PPP3CA: variants seen among roughly 807,000 people sequenced by gnomAD.
PPP3CA encodes the protein protein phosphatase 3 catalytic subunit alpha.
Under a neutral mutation model 66.5 loss-of-function variants are expected in PPP3CA, and 14 were observed. The observed-to-expected ratio is 0.21, with a 90% CI of 0.14 to 0.33. The LOEUF (loss-of-function observed/expected upper bound fraction) is 0.33. Ranked by LOEUF, PPP3CA falls within the 10% of genes least tolerant of loss-of-function variation. The probability of loss-of-function intolerance (pLI) is 1.00; values close to 1 mark genes in which losing one functional copy is unlikely to be tolerated. For synonymous variants in PPP3CA, 232 were observed against 226.2 expected (o/e 1.03, Z -0.23); for missense variants, 317 against 639.5 (o/e 0.50, Z 5.44).
intron 1 of PPP3CA, among the ~76,000 whole-genome samples, chr4:101,254,764 C>T (rs1726785761): frequency 6.6e-6 from 1 of 151,570 alleles, no homozygotes; most frequent in African/African-American, 2.4e-5. Context: ...TGTGTCTTGC[C>T]CTTTGAAAAA....
chr4:101,044,720 C>T (rs1288354004), intron 10 of PPP3CA, among the ~76,000 whole-genome samples: 1 of 152,098 alleles, frequency 6.6e-6, no homozygotes, highest in Non-Finnish European at 1.5e-5. Context: ...CTAAGCAACC[C>T]TGAAAACTCA....
intron 3 of PPP3CA, among the ~76,000 whole-genome samples, chr4:101,107,805 CTA>C (rs1424154012): frequency 1.3e-5 from 2 of 152,124 alleles, no homozygotes; most frequent in Non-Finnish European, 2.9e-5. Context: ...GAATGTTTTT[CTA>C]TGATTATTAT....
At chr4:101,159,859 C>A (rs537347062) in intron 2 of PPP3CA, among the ~76,000 whole-genome samples, 2 of 151,994 alleles carry the variant, frequency 1.3e-5, no homozygotes, top group Non-Finnish European at 2.9e-5. Flanking sequence ...GCTTCAGATA[C>A]CTGAAATACA....
chr4:101,318,959 C>T (rs1728960036), intron 1 of PPP3CA, among the ~76,000 whole-genome samples: 1 of 151,980 alleles, frequency 6.6e-6, no homozygotes, highest in South Asian at 2.1e-4. Flanking sequence ...TTCTTAAATT[C>T]TTCTACACAG....
chr4:101,325,382 C>A (rs1729177454), intron 1 of PPP3CA, among the ~76,000 whole-genome samples: 1 of 152,164 alleles, frequency 6.6e-6, no homozygotes, highest in African/African-American at 2.4e-5. Flanking sequence ...TAGCACTGTT[C>A]TATACATTCC....
chr4:101,341,519 C>T (rs1729817120), intron 1 of PPP3CA, among the ~76,000 whole-genome samples: 1 of 152,154 alleles, frequency 6.6e-6, no homozygotes, highest in Non-Finnish European at 1.5e-5. Context: ...CCAGAAAATA[C>T]ATAACACGTG....
At chr4:101,078,868 A>G (rs935463349) in intron 8 of PPP3CA, among the ~76,000 whole-genome samples, 13 of 152,328 alleles carry the variant, frequency 8.5e-5, no homozygotes, top group South Asian at 2.1e-4. Flanking sequence ...GCACGTGGCA[A>G]GCAGAGAACA....
At chr4:101,180,450 A>G (rs1724199242) in intron 2 of PPP3CA, among the ~76,000 whole-genome samples, 1 of 152,196 alleles carries the variant, frequency 6.6e-6, no homozygotes, top group South Asian at 2.1e-4. Flanking sequence ...CATTTTTAAA[A>G]GGCCTGCATG....
At chr4:101,314,046 A>C (rs1228905242) in intron 1 of PPP3CA, among the ~76,000 whole-genome samples, 1 of 152,220 alleles carries the variant, frequency 6.6e-6, no homozygotes, top group Non-Finnish European at 1.5e-5. Context: ...ATAATTTTAA[A>C]AGAAAATAGA....
intron 2 of PPP3CA, among the ~76,000 whole-genome samples, chr4:101,111,644 G>A (rs774707259): frequency 6.6e-5 from 10 of 152,102 alleles, no homozygotes; most frequent in Non-Finnish European, 1.3e-4. Context: ...ACACTACCGA[G>A]GCTCCAACCC....
chr4:101,099,321 G>T (rs1375149061), intron 4 of PPP3CA, among the ~76,000 whole-genome samples: 2 of 152,060 alleles, frequency 1.3e-5, no homozygotes, highest in Admixed American at 1.3e-4. Flanking sequence ...TTAATGAGTA[G>T]AATTATTGTT....
chr4:101,190,753 A>C (rs1724574298), intron 2 of PPP3CA, among the ~76,000 whole-genome samples: 1 of 152,172 alleles, frequency 6.6e-6, no homozygotes, highest in Non-Finnish European at 1.5e-5. Flanking sequence ...CATAAACTCT[A>C]TGTCCCAAAT....
At chr4:101,201,193 A>T (rs1417035221) in intron 1 of PPP3CA, among the ~76,000 whole-genome samples, 1 of 152,210 alleles carries the variant, frequency 6.6e-6, no homozygotes, top group Non-Finnish European at 1.5e-5. Context: ...AAAATTGCTT[A>T]TCTAGCTTTC....
chr4:101,210,439 G>A (rs1725265816), intron 1 of PPP3CA, among the ~76,000 whole-genome samples: 1 of 152,184 alleles, frequency 6.6e-6, no homozygotes, highest in Non-Finnish European at 1.5e-5. Flanking sequence ...TGCTATAGCT[G>A]AAGATTAAAC....
chr4:101,125,426 G>A lies in PPP3CA; in HGVS notation c.260-16348C>T, dbSNP rs1029240589. On this transcript the variant is annotated intron_variant, in intron 2 of 13. Transcript: ENST00000394854. ...GATCCACCAATTCCAGCAAAACTAT[G>A]CCATGAAATAAATGTGACTGGCCCT... Among the ~76,000 whole-genome samples the A allele has an allele frequency of 3.3e-5, 5 of 152,050 alleles. No homozygotes were observed. In the South Asian group the frequency reaches 1.0e-3, roughly 32 times the overall value.
At position 101,068,004 on chromosome 4, in the gene PPP3CA, C is replaced by T. The variant is rs188036933; in HGVS notation, c.956-4647G>A. 2.6e-3 allele frequency among the ~76,000 whole-genome samples: 393 copies of T among 152,186 alleles called. 1 individual carries two copies. Among genetic ancestry groups the T allele is most frequent in the African/African-American group, 8.8e-3 (364 of 41,530 alleles). Reference sequence around the variant, plus strand: ...TAACTGTAATGATTCCAACATACTTCAGGCATTCTTCACACCACTAGTCCT... The same window carrying T: ...TAACTGTAATGATTCCAACATACTTTAGGCATTCTTCACACCACTAGTCCT... On this transcript the variant is annotated intron_variant, in intron 8 of 13. Coordinates refer to ENST00000394854, the MANE Select transcript of PPP3CA (RefSeq NM_000944.5).
chr4:101,278,122 T>A (rs1482398938), intron 1 of PPP3CA, among the ~76,000 whole-genome samples: 3 of 112,174 alleles, frequency 2.7e-5, no homozygotes, highest in East Asian at 3.3e-4. Flanking sequence ...AAGCTATTAG[T>A]AAAAAAAAAA....
At chr4:101,300,782 G>A (rs1160591353) in intron 1 of PPP3CA, among the ~76,000 whole-genome samples, 3 of 152,078 alleles carry the variant, frequency 2.0e-5, no homozygotes, top group East Asian at 1.9e-4. Context: ...GTGACAGAAC[G>A]AGACTCTGCC....
chr4:101,059,765 T>G (rs1207499858), intron 10 of PPP3CA, among the ~76,000 whole-genome samples: 1 of 152,142 alleles, frequency 6.6e-6, no homozygotes, highest in Non-Finnish European at 1.5e-5. Context: ...ATTTGTGTCA[T>G]TTTATTGATA....
Sources: gnomAD v4.1 joint callset for allele counts (sites outside exome capture counted in the v4.1 genomes callset) on GRCh38, gnomAD v4.1.1 for gene constraint, MANE v1.5 for transcripts, NCBI Gene and HGNC (gene_info 2026-07-23, HGNC 2026-07-21) for gene names.